Variants in GPC6 observed in about 807,000 individuals in gnomAD.
The protein encoded by GPC6 is glypican-6.
GPC6 carries 14 observed loss-of-function variants against 55.2 expected under a neutral mutation model. The ratio of observed to expected loss-of-function variants is 0.25; its 90% CI spans 0.17 to 0.40. GPC6 has a LOEUF of 0.40. Among genes scored for constraint, GPC6 ranks in the 10% least tolerant of loss-of-function variants. The probability of loss-of-function intolerance (pLI) is 1.00; values close to 1 mark genes in which losing one functional copy is unlikely to be tolerated. For synonymous variants in GPC6, 278 were observed against 259.6 expected, an observed-to-expected ratio of 1.07 and a Z score of -0.68; for missense variants, 641 against 708.5, an observed-to-expected ratio of 0.90 and a Z score of 1.08.
chr13:94,076,124 T>C (rs1884904898), intron 4 of GPC6, among the ~76,000 whole-genome samples: 1 of 148,198 alleles, frequency 6.7e-6, no homozygotes, highest in Non-Finnish European at 1.5e-5. Flanking sequence ...CCAACACTTA[T>C]TATCTTTGTT....
intron 1 of GPC6, among the ~76,000 whole-genome samples, chr13:93,528,744 G>A (rs993494643): frequency 1.3e-5 from 2 of 152,198 alleles, no homozygotes; most frequent in Non-Finnish European, 1.5e-5. Flanking sequence ...TTGAGTTAGC[G>A]ATTAGCCTTT....
At chr13:94,201,104 C>T (rs529147842) in intron 4 of GPC6, among the ~76,000 whole-genome samples, 1 of 152,326 alleles carries the variant, frequency 6.6e-6, no homozygotes, top group Non-Finnish European at 1.5e-5. Flanking sequence ...CACACTGAAA[C>T]GTGCCCCTCC....
At chr13:94,153,230 A>T (rs1002894037) in intron 4 of GPC6, among the ~76,000 whole-genome samples, 1 of 152,152 alleles carries the variant, frequency 6.6e-6, no homozygotes, top group African/African-American at 2.4e-5. Context: ...ATAGCTCTTC[A>T]TGCGAGTCAG....
chr13:93,852,221 A>T (rs1888430104), intron 3 of GPC6, among the ~76,000 whole-genome samples: 1 of 151,796 alleles, frequency 6.6e-6, no homozygotes, highest in Non-Finnish European at 1.5e-5. Flanking sequence ...ACAAAGGAAC[A>T]CACATGGAAG....
At chr13:94,199,351 A>G (rs1307813597) in intron 4 of GPC6, among the ~76,000 whole-genome samples, 1 of 152,194 alleles carries the variant, frequency 6.6e-6, no homozygotes, top group East Asian at 1.9e-4. Flanking sequence ...CCTTGTCATC[A>G]TTTTTGGATC....
chr13:93,544,183 C>T (rs747151995), intron 1 of GPC6, among the ~76,000 whole-genome samples: 1 of 151,846 alleles, frequency 6.6e-6, no homozygotes, highest in Non-Finnish European at 1.5e-5. Context: ...AAAGACCTAA[C>T]GTTAATATGT....
intron 3 of GPC6, among the ~76,000 whole-genome samples, chr13:93,903,097 G>A (rs114638390): frequency 3.3e-5 from 5 of 152,204 alleles, no homozygotes; most frequent in Admixed American, 6.5e-5. Flanking sequence ...AATATAAGAC[G>A]TGAAACAATA....
chr13:93,737,243 G>A (rs1884036421), intron 2 of GPC6, among the ~76,000 whole-genome samples: 1 of 152,076 alleles, frequency 6.6e-6, no homozygotes, highest in African/African-American at 2.4e-5. Flanking sequence ...CAAGCAAGAA[G>A]ACCAAAATCA....
intron 4 of GPC6, among the ~76,000 whole-genome samples, chr13:94,202,937 T>C (rs1889799553): frequency 6.6e-6 from 1 of 152,034 alleles, no homozygotes; most frequent in Admixed American, 6.5e-5. Context: ...CCATGAAAGG[T>C]AGAAAATTTA....
At chr13:94,046,558 A>AATGTAATTTTCATAAAGTCACTTTCAATG (rs1373036066) in intron 4 of GPC6, among the ~76,000 whole-genome samples, 1 of 152,102 alleles carries the variant, frequency 6.6e-6, no homozygotes, top group African/African-American at 2.4e-5. Context: ...TGTAATGGAA[A>AATGTAATTTTCATAAAGTCACTTTCAATG]ATGTAATTTT....
At chr13:93,618,735 C>T (rs776893198) in intron 2 of GPC6, among the ~76,000 whole-genome samples, 1 of 151,986 alleles carries the variant, frequency 6.6e-6, no homozygotes, top group Non-Finnish European at 1.5e-5. Flanking sequence ...AATATTAATT[C>T]CATGAACTGG....
rs56706276 is a variant in GPC6, at chr13:93,556,373, A to AGTGTGTGT, written c.319+10967_319+10974dup. ...TTATTTTTAATTTTTGTGGGTAAAT[A>AGTGTGTGT]GTGTGTGTGTGTGTGTGTGTGTATG... On this transcript the variant is annotated intron_variant, in intron 2 of 8. Transcript: ENST00000377047. Among the ~76,000 whole-genome samples the AGTGTGTGT allele has an allele frequency of 9.7e-5, 13 of 134,188 alleles. No individual in the cohort carries two copies. In the South Asian group the frequency reaches 1.3e-3, roughly 13 times the overall value. The allele number at this position is 134,188 out of a possible 152,430, so 88.0% of individuals were successfully genotyped here.
chr13:94,178,537 C>T (rs1030597966), intron 4 of GPC6, among the ~76,000 whole-genome samples: 12 of 152,310 alleles, frequency 7.9e-5, no homozygotes, highest in Admixed American at 5.9e-4. Context: ...TTGTGTTTCA[C>T]TCATGGGACA....
At chr13:93,922,310 A>G (rs912815438) in intron 3 of GPC6, among the ~76,000 whole-genome samples, 11 of 152,200 alleles carry the variant, frequency 7.2e-5, no homozygotes, top group Admixed American at 6.5e-5. Flanking sequence ...GTATCCTCTT[A>G]ACAACGGAAA....
At chr13:93,572,099 C>T (rs907397237) in intron 2 of GPC6, among the ~76,000 whole-genome samples, 1 of 152,056 alleles carries the variant, frequency 6.6e-6, no homozygotes, top group Admixed American at 6.6e-5. Flanking sequence ...CACTGTTGTC[C>T]CAGACTTACA....
At chr13:93,979,142 C>A (rs1208595016) in intron 3 of GPC6, among the ~76,000 whole-genome samples, 1 of 152,174 alleles carries the variant, frequency 6.6e-6, no homozygotes, top group African/African-American at 2.4e-5. Context: ...TGTATCTACA[C>A]TCTCCAATAT....
chr13:93,391,178 G>T (rs1461824818), intron 1 of GPC6, among the ~76,000 whole-genome samples: 1 of 151,818 alleles, frequency 6.6e-6, no homozygotes, highest in African/African-American at 2.4e-5. Flanking sequence ...TTTAAATTAG[G>T]AGCAGTGTAA....
chr13:93,427,008 A>C (rs1391424585), intron 1 of GPC6, among the ~76,000 whole-genome samples: 1 of 150,188 alleles, frequency 6.7e-6, no homozygotes, highest in African/African-American at 2.5e-5. Flanking sequence ...GCATTTTTTC[A>C]TGTATTTTTT....
At chr13:93,499,046 G>T (rs1388798146) in intron 1 of GPC6, among the ~76,000 whole-genome samples, 1 of 151,382 alleles carries the variant, frequency 6.6e-6, no homozygotes, top group Non-Finnish European at 1.5e-5. Context: ...ATGTATTTGA[G>T]TAAGGAAACA....
Sources: gnomAD v4.1 joint callset for allele counts (sites outside exome capture counted in the v4.1 genomes callset) on GRCh38, gnomAD v4.1.1 for gene constraint, MANE v1.5 for transcripts, NCBI Gene and HGNC (gene_info 2026-07-23, HGNC 2026-07-21) for gene names.